IKZF1: variants seen among roughly 807,000 people sequenced by gnomAD.
IKZF1 encodes the protein DNA-binding protein Ikaros.
A neutral mutation model predicts 51.7 loss-of-function variants in IKZF1; 10 were observed. The observed-to-expected ratio is 0.19, with a 90% CI of 0.12 to 0.33. The LOEUF (loss-of-function observed/expected upper bound fraction) is 0.33, where lower values mean the gene tolerates loss of function less well. IKZF1 is among the 10% of genes least tolerant of loss of function. The pLI is 1.00. For missense variants in IKZF1, 484 were observed against 707.5 expected (o/e 0.68, Z 3.58); for synonymous variants, 280 against 282.3 (o/e 0.99, Z 0.08).
At chr7:50,347,212 T>C (rs1800594963) in intron 3 of IKZF1, among the ~76,000 whole-genome samples, 1 of 152,188 alleles carries the variant, frequency 6.6e-6, no homozygotes, top group African/African-American at 2.4e-5. Flanking sequence ...TTTCCACAGC[T>C]CCATGAGATG....
At chr7:50,357,942 G>T (rs1217910305) in intron 3 of IKZF1, among the ~76,000 whole-genome samples, 1 of 152,096 alleles carries the variant, frequency 6.6e-6, no homozygotes, top group Admixed American at 6.5e-5. Flanking sequence ...TGTAAAGCGG[G>T]GGTGATATTT....
intron 6 of IKZF1, 92 bp from the exon 7 acceptor site, chr7:50,391,637 G>C: frequency 6.5e-7 from 1 of 1,536,062 alleles, no homozygotes; most frequent in Non-Finnish European, 8.8e-7. Context: ...GGCTCTTGTA[G>C]GCACTTAACA....
In IKZF1 at chr7:50,402,846, G is replaced by C; in HGVS notation, c.*2219G>C. 4.3e-6 allele frequency: 1 copy of C among 230,190 alleles called. No homozygotes were observed. 14.3% of individuals were successfully genotyped at this position (230,190 alleles called of 1,614,324 possible). ...TGCACTGAGTGAAGGAAGAGAGACAGAGGATCAAGGGCTTTAGACAGCACT... is the reference window on the plus strand; with the variant it reads ...TGCACTGAGTGAAGGAAGAGAGACACAGGATCAAGGGCTTTAGACAGCACT... On this transcript the variant is annotated 3_prime_UTR_variant, in exon 8 of 8. Transcript: ENST00000331340.
At chr7:50,358,835 A>G (rs1344422937) in intron 3 of IKZF1, among the ~76,000 whole-genome samples, 1 of 137,894 alleles carries the variant, frequency 7.3e-6, no homozygotes, top group Non-Finnish European at 1.5e-5. Context: ...TAAGAGAACT[A>G]TATATTACAA....
chr7:50,400,148 T>G lies in IKZF1; in HGVS notation c.1081T>G (p.Ser361Ala), dbSNP rs899157878. 6 of 1,561,710 alleles carry G rather than the reference T, an allele frequency of 3.8e-6. No homozygotes were observed. Among genetic ancestry groups the G allele is most frequent in the Non-Finnish European group, 5.2e-6 (6 of 1,154,864 alleles). ...HKPLAEGTPR[S>A]NHSAQDSAVE... ...GCCGCTCGCGGAGGGCACCCCGCGC[T>G]CCAACCACTCGGCCCAGGACAGCGC... Residue 361 changes from serine (S) to alanine (A), a missense_variant, in exon 8 of 8, where the codon TCC becomes GCC. By Grantham distance (99) the Ser-to-Ala change is moderately conservative. Transcript: ENST00000331340. The surrounding 1 kb of genome is among the most constrained non-coding windows in gnomAD (Gnocchi z 5.4).
chr7:50,347,298 G>A (rs562976012), intron 3 of IKZF1, among the ~76,000 whole-genome samples: 2 of 152,260 alleles, frequency 1.3e-5, no homozygotes, highest in South Asian at 4.2e-4. Context: ...GATAAAGTTA[G>A]CATACCTGAG....
At chr7:50,326,438 A>G (rs755324808) in intron 2 of IKZF1, among the ~76,000 whole-genome samples, 3 of 152,160 alleles carry the variant, frequency 2.0e-5, no homozygotes, top group Non-Finnish European at 4.4e-5. Flanking sequence ...AGTTCACATC[A>G]TCTGTTTCTT....
chr7:50,306,843 A>G (rs936516297), intron 1 of IKZF1, among the ~76,000 whole-genome samples: 5 of 152,344 alleles, frequency 3.3e-5, no homozygotes, highest in African/African-American at 1.2e-4. Flanking sequence ...TGCGTGGTTA[A>G]TATAGCATAT....
intron 5 of IKZF1, among the ~76,000 whole-genome samples, 161 bp downstream of exon 5, chr7:50,382,868 A>G (rs1358720749): frequency 6.6e-6 from 1 of 150,648 alleles, no homozygotes. Flanking sequence ...ACATTGCCCC[A>G]TCCCCCCTCC....
intron 1 of IKZF1, among the ~76,000 whole-genome samples, chr7:50,313,525 T>C (rs557725812): frequency 2.0e-5 from 3 of 152,212 alleles, no homozygotes; most frequent in Non-Finnish European, 4.4e-5. Flanking sequence ...GCATCCATCC[T>C]TATCTGTCAT....
rs542613066 is a variant in IKZF1, at chr7:50,401,300, G to A, written c.*673G>A. 6 of 230,596 alleles carry A rather than the reference G, an allele frequency of 2.6e-5. No homozygotes were observed. The South Asian group carries it at 5.4e-4, about 21-fold the overall frequency. The allele number at this position is 230,596 out of a possible 1,614,324, so 14.3% of individuals were successfully genotyped here. ...CAGACTGCCCTGGGTGGAGGGAGAC[G>A]CCGGGCTAGAGCCTTTGGGATCGTC... On this transcript the variant is annotated 3_prime_UTR_variant, in exon 8 of 8. Transcript: ENST00000331340.
intron 3 of IKZF1, among the ~76,000 whole-genome samples, chr7:50,350,808 A>C (rs7779749): frequency 0.39 from 59,765 of 152,070 alleles, 11,924 homozygotes; most frequent in Non-Finnish European, 0.43. Context: ...TGAAAGAAAT[A>C]GCAGAGCAAG....
At chr7:50,373,244 A>G (rs370504750) in intron 3 of IKZF1, among the ~76,000 whole-genome samples, 6 of 152,236 alleles carry the variant, frequency 3.9e-5, no homozygotes, top group African/African-American at 4.8e-5. Context: ...GGTCGTGTCC[A>G]ATGCTTCCCT....
intron 3 of IKZF1, among the ~76,000 whole-genome samples, chr7:50,335,250 A>T (rs1401810427): frequency 7.8e-6 from 1 of 128,352 alleles, no homozygotes; most frequent in African/African-American, 3.0e-5. Flanking sequence ...TGTGGTGTGT[A>T]TATGTGTTGT....
intron 1 of IKZF1, among the ~76,000 whole-genome samples, chr7:50,308,220 G>A (rs890156717): frequency 6.6e-6 from 1 of 152,228 alleles, no homozygotes; most frequent in Non-Finnish European, 1.5e-5. Flanking sequence ...AAGTGGCGAA[G>A]TGCGGGCCTG....
intron 7 of IKZF1, chr7:50,393,806 T>G (rs1815910028): frequency 4.3e-6 from 1 of 232,650 alleles, no homozygotes; most frequent in East Asian, 6.1e-5. Flanking sequence ...GACAGAGAGA[T>G]GGGTGGTGAC....
Position 50,402,602 on chromosome 7 carries a change from G to A in IKZF1, c.*1975G>A, listed in dbSNP as rs975162327. ...CTTGAAGAATATTCCCAATATTCCC[G>A]GTCAGCAGTATCAAGGCTGACTTGT... On this transcript the variant is annotated 3_prime_UTR_variant, in exon 8 of 8. Transcript: ENST00000331340. 2 of 231,936 alleles carry A rather than the reference G, an allele frequency of 8.6e-6. No individual in the cohort carries two copies. The highest frequency in any genetic ancestry group is 1.2e-4 in the East Asian group (2 of 16,532). The allele number at this position is 231,936 out of a possible 1,614,324, so 14.4% of individuals were successfully genotyped here. A position where few individuals can be genotyped will look rare whatever the true frequency, so the allele number is the denominator to read the frequency against.
intron 7 of IKZF1, among the ~76,000 whole-genome samples, chr7:50,399,287 CAG>C (rs1403123565): frequency 6.6e-6 from 1 of 152,138 alleles, no homozygotes; most frequent in Non-Finnish European, 1.5e-5. Flanking sequence ...CATCTCAAGA[CAG>C]AGTTCATCTA....
intron 3 of IKZF1, among the ~76,000 whole-genome samples, chr7:50,372,686 C>T (rs1809068472): frequency 6.6e-6 from 1 of 152,224 alleles, no homozygotes; most frequent in African/African-American, 2.4e-5. Context: ...ATCATCCCTA[C>T]TGCTGTTCCT....
Sources: gnomAD v4.1 joint callset for allele counts (sites outside exome capture counted in the v4.1 genomes callset) on GRCh38, gnomAD v4.1.1 for gene constraint, Gnocchi (gnomAD v3.1) non-coding constraint, MANE v1.5 for transcripts, NCBI Gene and HGNC (gene_info 2026-07-23, HGNC 2026-07-21) for gene names.